The following TP53BP1 variants were observed in gnomAD, a reference collection of about 807,000 sequenced individuals.
TP53BP1 encodes TP53-binding protein 1.
Under a neutral mutation model 200.8 loss-of-function variants are expected in TP53BP1, and 61 were observed. The observed-to-expected ratio is 0.30, with a 90% confidence interval of 0.25 to 0.38. The LOEUF (loss-of-function observed/expected upper bound fraction) is 0.38, where lower values mean the gene tolerates loss of function less well. Ranked by LOEUF, TP53BP1 falls within the 10% of genes least tolerant of loss-of-function variation. The probability of loss-of-function intolerance (pLI) is 1.00; values close to 1 mark genes in which losing one functional copy is unlikely to be tolerated. For synonymous variants in TP53BP1, 822 were observed against 844.3 expected, an observed-to-expected ratio of 0.97 and a Z score of 0.46; for missense variants, 2,144 against 2,371.9, an observed-to-expected ratio of 0.90 and a Z score of 2.00.
chr15:43,448,324 T>G (rs1256122781), intron 12 of TP53BP1, among the ~76,000 whole-genome samples: 1 of 152,160 alleles, frequency 6.6e-6, no homozygotes, highest in Non-Finnish European at 1.5e-5. Context: ...AAATGATACA[T>G]TTGGGAGAAA....
intron 24 of TP53BP1, 75 bp from the exon 25 acceptor site, chr15:43,409,816 C>T: frequency 1.5e-6 from 1 of 685,794 alleles, no homozygotes. Flanking sequence ...CTCCTTCTTA[C>T]TGCCCCCTTT....
intron 1 of TP53BP1, 54 bp from the exon 2 acceptor site, chr15:43,492,522 G>T: frequency 6.7e-7 from 1 of 1,496,872 alleles, no homozygotes; most frequent in Admixed American, 1.8e-5. Context: ...CCTTGCTCAC[G>T]CAGTCTAAAC....
chr15:43,435,267 CAAA>C (rs377275791), intron 16 of TP53BP1, among the ~76,000 whole-genome samples: 4 of 55,682 alleles, frequency 7.2e-5, no homozygotes, highest in Admixed American at 2.9e-4. Context: ...GACCCCATCT[CAAA>C]AAAAAAAAAA....
intron 12 of TP53BP1, among the ~76,000 whole-genome samples, chr15:43,449,887 T>C (rs1232544734): frequency 1.3e-5 from 2 of 152,232 alleles, no homozygotes; most frequent in Non-Finnish European, 2.9e-5. Flanking sequence ...CCTCCAAAGG[T>C]TTCCCATTTC....
At chr15:43,430,114 T>A (rs1453082568) in intron 17 of TP53BP1, among the ~76,000 whole-genome samples, 2 of 152,192 alleles carry the variant, frequency 1.3e-5, no homozygotes, top group Non-Finnish European at 2.9e-5. Context: ...ATAAATAAAT[T>A]GATGATCTTA....
chr15:43,469,989 C>T lies in TP53BP1; in HGVS notation c.1258G>A (p.Val420Met), dbSNP rs765475682. The change falls in exon 11 of 28, where the codon GTG becomes ATG. Residue 420 changes from valine to methionine, a missense_variant. By Grantham distance (21) the Val-to-Met change is conservative. Around this residue, in one of 4 missense-constraint regions of TP53BP1, gnomAD observed 1,700 missense variants for 1,710.3 expected, o/e 0.99. Coordinates refer to ENST00000382044, the MANE Select transcript of TP53BP1 (RefSeq NM_001141980.3). ...FQKKLQSGEPVELENPPLLPE... is the reference protein window; with the variant it reads ...FQKKLQSGEPMELENPPLLPE... ...AGGAGAGGGGGGTTTTCTAACTCCA[C>T]TGGTTCACCACTTTGAAGTTTCTTC... 12 of 1,613,940 alleles carry T rather than the reference C, an allele frequency of 7.4e-6. No individual in the cohort carries two copies. In the Admixed American group the frequency reaches 1.5e-4, roughly 20 times the overall value.
Position 43,481,235 on chromosome 15 carries a change from C to T in TP53BP1, c.372-213G>A, listed in dbSNP as rs1215357017. Among the ~76,000 whole-genome samples, 5 of 151,978 alleles carry T rather than the reference C, an allele frequency of 3.3e-5. No individual in the cohort carries two copies. The East Asian group carries it at 5.8e-4, about 18-fold the overall frequency. ...ATTAAGTAAAGAAAAAATAAGGCAC[C>T]AACATACTCGAATTTTATATTTTTG... is the stretch of plus-strand genomic sequence containing the variant. On this transcript the variant is annotated intron_variant, in intron 4 of 27. Coordinates refer to ENST00000382044, the MANE Select transcript of TP53BP1 (RefSeq NM_001141980.3).
At position 43,479,865 on chromosome 15, in the gene TP53BP1, T is replaced by C. The variant is rs1212243730; in HGVS notation, c.652A>G (p.Asn218Asp). The change falls in exon 6 of 28, where the codon AAT (asparagine) becomes GAT (aspartate). Residue 218 changes from asparagine to aspartate, a missense_variant. This residue lies in a region of TP53BP1 where 1,700 missense variants were observed against 1,710.3 expected (regional missense o/e 0.99). Transcript: ENST00000382044. ...CAGAAAACATGTTTCATACCAGTAT[T>C]AGCATCCACATCAGACAGCCTGGTA... ...GYTRLSDVDANTAIKHEEQSN... is the reference protein window; with the variant it reads ...GYTRLSDVDADTAIKHEEQSN... 2.5e-6 allele frequency: 4 copies of C among 1,614,236 alleles called. No individual in the cohort carries two copies. Among genetic ancestry groups the C allele is most frequent in the Non-Finnish European group, 3.4e-6 (4 of 1,180,036 alleles).
chr15:43,494,735 C>A (rs1288337816), upstream of TP53BP1, among the ~76,000 whole-genome samples: 1 of 152,192 alleles, frequency 6.6e-6, no homozygotes, highest in Non-Finnish European at 1.5e-5. Context: ...AGGGCACAAC[C>A]AACCAGGTCC....
intron 11 of TP53BP1, among the ~76,000 whole-genome samples, chr15:43,461,228 A>ATT (rs5812248): frequency 2.2e-4 from 33 of 148,670 alleles, no homozygotes; most frequent in African/African-American, 6.2e-4. Context: ...ATTTTATTTT[A>ATT]TTTTTTTTTT....
chr15:43,430,715 T>C (rs1283415851), intron 17 of TP53BP1, among the ~76,000 whole-genome samples: 1 of 152,174 alleles, frequency 6.6e-6, no homozygotes, highest in African/African-American at 2.4e-5. Context: ...TCAAACCCTA[T>C]ACACTATGTT....
chr15:43,481,869 G>C (rs1268806919), intron 4 of TP53BP1, among the ~76,000 whole-genome samples: 1 of 150,570 alleles, frequency 6.6e-6, no homozygotes, highest in Non-Finnish European at 1.5e-5. Flanking sequence ...AAGTGCAGTA[G>C]CACGATCACA....
chr15:43,486,115 G>A (rs184346136), intron 4 of TP53BP1, among the ~76,000 whole-genome samples: 10 of 151,802 alleles, frequency 6.6e-5, no homozygotes, highest in South Asian at 2.1e-4. Flanking sequence ...GGTGCCTCAC[G>A]CCCGTAATCC....
At chr15:43,479,108 T>A (rs574870638) in intron 7 of TP53BP1, among the ~76,000 whole-genome samples, 1 of 152,006 alleles carries the variant, frequency 6.6e-6, no homozygotes, top group African/African-American at 2.4e-5. Flanking sequence ...AAGATAAGAT[T>A]AGTAGTCAAG....
chr15:43,450,850 T>C (rs568517357), intron 12 of TP53BP1, among the ~76,000 whole-genome samples: 29 of 152,246 alleles, frequency 1.9e-4, no homozygotes, highest in African/African-American at 7.0e-4. Flanking sequence ...TGTTTGAATG[T>C]TTTTCAAAAT....
chr15:43,404,277 G>A lies in TP53BP1; in HGVS notation c.*3106C>T. The A allele has an allele frequency of 2.1e-6, 2 of 972,182 alleles. No individual in the cohort carries two copies. The highest frequency in any genetic ancestry group is 2.6e-5 in the East Asian group (1 of 38,444). The allele number at this position is 972,182 out of a possible 1,614,324, so 60.2% of individuals were successfully genotyped here. On this transcript the variant is annotated 3_prime_UTR_variant, in exon 28 of 28. Transcript: ENST00000382044. ...GTCATTTTAGGAACTAATAGAAATAGGAATGTGGGAAGGCCAGGTGGTTCT... is the reference window on the plus strand; with the variant it reads ...GTCATTTTAGGAACTAATAGAAATAAGAATGTGGGAAGGCCAGGTGGTTCT...
At chr15:43,506,811 T>A (rs143136876) in intron 1 of TP53BP1, among the ~76,000 whole-genome samples, 2 of 152,306 alleles carry the variant, frequency 1.3e-5, no homozygotes, top group African/African-American at 4.8e-5. Context: ...AGGAGAATAG[T>A]GTCTGGAGAC....
chr15:43,481,080 G>C, intron 4 of TP53BP1, 58 bp from the exon 5 acceptor site: 2 of 1,605,316 alleles, frequency 1.2e-6, no homozygotes, highest in Non-Finnish European at 1.7e-6. Flanking sequence ...ACTTTAATCA[G>C]AGCACTCTGA....
At position 43,420,351 on chromosome 15, in the gene TP53BP1, C is replaced by T; in HGVS notation, c.4635G>A (p.Leu1545=). Residue 1545 remains leucine, a synonymous_variant, in exon 21 of 28, where the codon CTG becomes CTA. Transcript: ENST00000382044. The stretch of plus-strand genomic sequence containing the variant: ...CCGAGAGGGCCGTCACTTCAGTGTC[C>T]AGCGGGATGGGGTCACATAACAGAA... ...KDILLCDPIP[L]DTEVTALSED... The T allele has an allele frequency of 3.1e-6, 5 of 1,614,142 alleles. No individual in the cohort carries two copies. Among genetic ancestry groups the T allele is most frequent in the Non-Finnish European group, 4.2e-6 (5 of 1,180,022 alleles).
Sources: gnomAD v4.1 joint callset for allele counts (sites outside exome capture counted in the v4.1 genomes callset) on GRCh38, gnomAD v4.1.1 for gene constraint, gnomAD v4.1.1 regional missense constraint, MANE v1.5 for transcripts, NCBI Gene and HGNC (gene_info 2026-07-23, HGNC 2026-07-21) for gene names.